ARMC2: variants seen among roughly 807,000 people sequenced by gnomAD.
ARMC2 encodes armadillo repeat-containing protein 2.
ARMC2 carries 67 observed loss-of-function variants against 90.3 expected under a neutral mutation model. The ratio of observed to expected loss-of-function variants is 0.74; its 90% CI spans 0.61 to 0.91. ARMC2 has a LOEUF of 0.91. Ranked by LOEUF, ARMC2 falls within the 40% of genes least tolerant of loss-of-function variation. ARMC2 has a pLI of 0.00. For missense variants in ARMC2, 920 were observed against 1,030.9 expected, an observed-to-expected ratio of 0.89 and a Z score of 1.47; for synonymous variants, 393 against 393.0, an observed-to-expected ratio of 1.00 and a Z score of 0.00.
the ARMC2 span, among the ~76,000 whole-genome samples, chr6:109,038,646 T>C: frequency 1.3e-5 from 2 of 152,362 alleles, no homozygotes; most frequent in South Asian, 4.1e-4. Flanking sequence ...TAGGGGCATA[T>C]GCTCTGAGTG....
At chr6:109,049,500 A>T in the ARMC2 span, among the ~76,000 whole-genome samples, 1 of 152,122 alleles carries the variant, frequency 6.6e-6, no homozygotes, top group Non-Finnish European at 1.5e-5. Flanking sequence ...TAACAATATT[A>T]TATATTTTCA....
At chr6:108,851,478 G>A (rs1472951658) in intron 1 of ARMC2, among the ~76,000 whole-genome samples, 1 of 152,110 alleles carries the variant, frequency 6.6e-6, no homozygotes, top group Non-Finnish European at 1.5e-5. Context: ...TACGTACCAG[G>A]AAGGCTGCTC....
the ARMC2 span, among the ~76,000 whole-genome samples, chr6:109,047,582 G>A: frequency 1.9e-4 from 25 of 134,922 alleles, no homozygotes; most frequent in Non-Finnish European, 2.5e-4. Context: ...CCACCACCCC[G>A]TCTGGGAGGT....
the ARMC2 span, among the ~76,000 whole-genome samples, chr6:108,989,566 T>G: frequency 5.7e-5 from 6 of 104,654 alleles, no homozygotes; most frequent in East Asian, 6.9e-4. Flanking sequence ...GATCTCTAGA[T>G]CTAGAGATAT....
chr6:108,976,613 G>A (rs964635529), downstream of ARMC2, among the ~76,000 whole-genome samples: 11 of 152,206 alleles, frequency 7.2e-5, 1 homozygote, highest in Middle Eastern at 6.8e-3. Context: ...CCATTTTGAC[G>A]ATATTGATTC....
At chr6:108,906,606 G>A (rs2768568) in intron 8 of ARMC2, among the ~76,000 whole-genome samples, 1 of 151,672 alleles carries the variant, frequency 6.6e-6, no homozygotes, top group African/African-American at 2.4e-5. Flanking sequence ...TCAGCCTCCC[G>A]AGGAGCTTAG....
intron 6 of ARMC2, among the ~76,000 whole-genome samples, chr6:108,897,898 ATAT>A (rs1250400193): frequency 1.3e-5 from 2 of 152,166 alleles, no homozygotes. Flanking sequence ...ATATTAAAAA[ATAT>A]TAATATGGAT....
intron 11 of ARMC2, among the ~76,000 whole-genome samples, chr6:108,935,706 G>C (rs757089069): frequency 1.3e-5 from 2 of 152,122 alleles, no homozygotes; most frequent in Admixed American, 1.3e-4. Context: ...GCCTCCCAAA[G>C]TGCTGGGGTT....
At chr6:108,852,435 A>G (rs966125283) in intron 1 of ARMC2, among the ~76,000 whole-genome samples, 3 of 152,222 alleles carry the variant, frequency 2.0e-5, no homozygotes, top group African/African-American at 7.2e-5. Context: ...AGACAAAAAT[A>G]TTTTTAGCCC....
intron 8 of ARMC2, among the ~76,000 whole-genome samples, chr6:108,910,456 C>G (rs1431007391): frequency 6.6e-6 from 1 of 151,986 alleles, no homozygotes; most frequent in African/African-American, 2.4e-5. Context: ...AAGACCCTGT[C>G]TCTGTAAAAA....
chr6:108,965,248 T>C, intron 17 of ARMC2, 108 bp downstream of exon 17: 2 of 988,932 alleles, frequency 2.0e-6, no homozygotes, highest in Non-Finnish European at 2.9e-6. Flanking sequence ...TGACTATATT[T>C]CTATAAGCAA....
the ARMC2 span, among the ~76,000 whole-genome samples, chr6:109,013,038 C>G: frequency 6.6e-6 from 1 of 151,754 alleles, no homozygotes; most frequent in Non-Finnish European, 1.5e-5. Flanking sequence ...ATTGCTTGAA[C>G]CCGGGAGGCA....
intron 10 of ARMC2, among the ~76,000 whole-genome samples, chr6:108,913,662 C>T (rs573822088): frequency 6.6e-6 from 1 of 152,002 alleles, no homozygotes; most frequent in African/African-American, 2.4e-5. Flanking sequence ...GAGATAACAC[C>T]TCCAGCATTT....
At chr6:108,992,712 T>C in the ARMC2 span, 1 of 912,112 alleles carries the variant, frequency 1.1e-6, no homozygotes, top group Non-Finnish European at 1.8e-6. Context: ...TTCTCAAATC[T>C]AAGTGGCTGT....
At chr6:109,008,727 C>A in the ARMC2 span, 1 of 971,088 alleles carries the variant, frequency 1.0e-6, no homozygotes, top group Non-Finnish European at 1.2e-6. Context: ...TAGAAAAAAA[C>A]ACAAAATGTT....
At chr6:109,048,242 T>C in the ARMC2 span, among the ~76,000 whole-genome samples, 1 of 152,126 alleles carries the variant, frequency 6.6e-6, no homozygotes, top group Non-Finnish European at 1.5e-5. Context: ...CATTCAGATA[T>C]CTCCAACTGA....
the ARMC2 span, among the ~76,000 whole-genome samples, chr6:109,024,700 G>A: frequency 6.6e-6 from 1 of 152,140 alleles, no homozygotes; most frequent in Non-Finnish European, 1.5e-5. Flanking sequence ...TTAGCCTACA[G>A]TTGGGCAAAA....
chr6:108,890,206 A>C (rs9384694), intron 5 of ARMC2, among the ~76,000 whole-genome samples: 19 of 69,832 alleles, frequency 2.7e-4, no homozygotes, highest in East Asian at 2.1e-3. Context: ...AAAAAAAAAA[A>C]AAAAAAAAAA....
At chr6:108,982,679 G>C in the ARMC2 span, among the ~76,000 whole-genome samples, 1 of 152,156 alleles carries the variant, frequency 6.6e-6, no homozygotes, top group Non-Finnish European at 1.5e-5. Context: ...ATGAGTGTGA[G>C]GTAATGTGTC....
Sources: gnomAD v4.1 joint callset for allele counts (sites outside exome capture counted in the v4.1 genomes callset) on GRCh38, gnomAD v4.1.1 for gene constraint, MANE v1.5 for transcripts, NCBI Gene and HGNC (gene_info 2026-07-23, HGNC 2026-07-21) for gene names.